The following MTSS2 variants were observed in gnomAD, a reference collection of about 807,000 sequenced individuals.
The protein encoded by MTSS2 is MTSS I-BAR domain containing 2.
Under a neutral mutation model 67.1 loss-of-function variants are expected in MTSS2, and 27 were observed. That is an observed-to-expected ratio of 0.40 (90% CI 0.30 to 0.55). MTSS2 has a LOEUF of 0.55. Among genes scored for constraint, MTSS2 ranks in the 20% least tolerant of loss-of-function variants. The pLI, the probability that MTSS2 is intolerant of heterozygous loss-of-function variation, is 0.43. For synonymous variants in MTSS2, 624 were observed against 468.6 expected (o/e 1.33, Z -4.28); for missense variants, 1,171 against 1,067.8 (o/e 1.10, Z -1.35).
rs776729070 is a variant in MTSS2 at position 70,674,403 on chromosome 16, C to T, written c.956G>A (p.Arg319His). The T allele has an allele frequency of 2.3e-5, 37 of 1,614,034 alleles. No individual in the cohort carries two copies. The highest frequency in any genetic ancestry group is 6.7e-5 in the East Asian group (3 of 44,884). The part of the protein sequence containing the change: ...SLAQPATTTA[R>H]LSSVSSHDSG... ...GTCATGGGAGGAAACGCTGGAGAGG[C>T]GAGCGGTGGTGGTGGCTGGCTGCGC... Residue 319 changes from arginine to histidine, a missense_variant, in exon 11 of 15, where the codon CGC (arginine) becomes CAC (histidine). Physicochemically the swap from Arg to His is conservative, Grantham distance 29 (BLOSUM62 0). Transcript: ENST00000338779.
intron 9 of MTSS2, among the ~76,000 whole-genome samples, chr16:70,677,265 C>T (rs936508777): frequency 6.6e-6 from 1 of 152,168 alleles, no homozygotes; most frequent in Non-Finnish European, 1.5e-5. Flanking sequence ...CCTGCGCCTC[C>T]CTGAGTTTGT....
At position 70,663,424 on chromosome 16, in the gene MTSS2, G is replaced by A. The variant is rs972545601; in HGVS notation, c.*253C>T. The A allele has an allele frequency of 5.3e-6, 3 of 569,762 alleles. No homozygotes were observed. The highest frequency in any genetic ancestry group is 2.7e-5 in the South Asian group (1 of 37,294). 35.3% of individuals were successfully genotyped at this position (569,762 alleles called of 1,614,324 possible). ...AGGCAGGGCCCCAGAGGAGGAAGAG[G>A]AGGGACCGAAGAGCATAAAACAGAC... On this transcript the variant is annotated 3_prime_UTR_variant, in exon 15 of 15. Coordinates refer to ENST00000338779, the MANE Select transcript of MTSS2 (RefSeq NM_138383.3).
At chr16:70,665,572 A>G (rs2052683080) in intron 11 of MTSS2, 32 bp from the exon 12 acceptor site, 1 of 1,534,166 alleles carries the variant, frequency 6.5e-7, no homozygotes, top group Admixed American at 2.0e-5. Flanking sequence ...GCGGTTGCAG[A>G]CAGAGGGGCC....
intron 1 of MTSS2, among the ~76,000 whole-genome samples, chr16:70,684,922 G>A (rs1471064522): frequency 6.6e-6 from 1 of 152,184 alleles, no homozygotes; most frequent in African/African-American, 2.4e-5. Flanking sequence ...TCTCCTTAGT[G>A]ACCTTGAGCC....
At chr16:70,679,932 GT>G in intron 4 of MTSS2, 38 bp downstream of exon 4, 6 of 708,982 alleles carry the variant, frequency 8.5e-6, no homozygotes, top group Non-Finnish European at 1.1e-5. Flanking sequence ...GCGACGCCCC[GT>G]CCCCCCGCCC....
At chr16:70,665,338 GA>G (rs2151909785) in intron 12 of MTSS2, 127 bp downstream of exon 12, 2 of 1,062,322 alleles carry the variant, frequency 1.9e-6, no homozygotes, top group East Asian at 5.2e-5. Flanking sequence ...GTCTCTTGGG[GA>G]CAGGTGCTGT....
rs371546984 is a variant in MTSS2 at position 70,669,642 on chromosome 16, C to T, written c.1054-4102G>A. On this transcript the variant is annotated intron_variant, in intron 11 of 14. Transcript: ENST00000338779. Reference sequence around the variant, plus strand: ...ACCAGCCTGGCCAACATGGTGAAACCCCGTCTCTACTAAAAATACAAAAAT... The same window carrying T: ...ACCAGCCTGGCCAACATGGTGAAACTCCGTCTCTACTAAAAATACAAAAAT... 4.0e-3 allele frequency among the ~76,000 whole-genome samples: 602 copies of T among 152,124 alleles called. 2 individuals are homozygous for T. Among genetic ancestry groups the T allele is most frequent in the African/African-American group, 0.014 (574 of 41,486 alleles).
intron 3 of MTSS2, 129 bp downstream of exon 3, chr16:70,680,665 A>G: frequency 1.3e-6 from 1 of 789,080 alleles, no homozygotes. Context: ...AGCCCACTCC[A>G]CTAAGGAGCA....
At position 70,663,581 on chromosome 16, in the gene MTSS2, T is replaced by C. The variant is rs2052572066; in HGVS notation, c.*96A>G. The C allele has an allele frequency of 9.0e-6, 13 of 1,447,254 alleles. No individual in the cohort carries two copies. In the South Asian group the frequency reaches 1.8e-4, roughly 20 times the overall value. 89.7% of individuals were successfully genotyped at this position (1,447,254 alleles called of 1,614,324 possible). ...CATGGCCTCTGCCCTGGCTCTGTCC[T>C]CTCTCCTGGCTGGGCCTTTGCTCTG... On this transcript the variant is annotated 3_prime_UTR_variant, in exon 15 of 15. Coordinates refer to ENST00000338779, the MANE Select transcript of MTSS2 (RefSeq NM_138383.3).
At chr16:70,681,091 G>C in intron 1 of MTSS2, 66 bp from the exon 2 acceptor site, 1 of 1,464,980 alleles carries the variant, frequency 6.8e-7, no homozygotes. Flanking sequence ...ACCTGGGCCG[G>C]GCTCCCTGCA....
In MTSS2 at chr16:70,671,483, A is replaced by G. The variant is rs183136464; in HGVS notation, c.1053+2823T>C. Reference sequence around the variant, plus strand: ...ATAAAAGAAATATTTATGAGTCCATATTGATATAAATTAAAAATTGAATAT... The same window carrying G: ...ATAAAAGAAATATTTATGAGTCCATGTTGATATAAATTAAAAATTGAATAT... On this transcript the variant is annotated intron_variant, in intron 11 of 14. Transcript: ENST00000338779. Among the ~76,000 whole-genome samples the G allele has an allele frequency of 7.1e-4, 108 of 152,290 alleles. No individual in the cohort carries two copies. The South Asian group carries it at 8.9e-3, about 13-fold the overall frequency.
At chr16:70,677,675 T>C (rs1051803264) in intron 9 of MTSS2, 117 bp downstream of exon 9, 16 of 759,450 alleles carry the variant, frequency 2.1e-5, no homozygotes, top group African/African-American at 2.1e-4. Flanking sequence ...TCTGGTCTTA[T>C]GCCCCTAGCT....
At chr16:70,675,496 A>G (rs933449244) in intron 10 of MTSS2, among the ~76,000 whole-genome samples, 1 of 152,218 alleles carries the variant, frequency 6.6e-6, no homozygotes, top group South Asian at 2.1e-4. Context: ...CTAGATTCCT[A>G]TATCCTAAAG....
Position 70,663,934 on chromosome 16 carries a change from C to T in MTSS2, c.1987G>A (p.Glu663Lys), listed in dbSNP as rs867137825. Residue 663 changes from glutamate to lysine, a missense_variant, in exon 15 of 15, where the codon GAG becomes AAG. By Grantham distance (56) the Glu-to-Lys change is moderately conservative. Coordinates refer to ENST00000338779, the MANE Select transcript of MTSS2 (RefSeq NM_138383.3). ...AGYPGAGAED[E>K]QQQLAANRHS... ...CGGTTGGCCGCCAGCTGCTGCTGCT[C>T]GTCCTCGGCCCCTGCCCCGGGGTAC... 7.7e-6 allele frequency: 12 copies of T among 1,554,224 alleles called. No individual in the cohort carries two copies. The highest frequency in any genetic ancestry group is 2.4e-5 in the East Asian group (1 of 41,830).
Position 70,679,657 on chromosome 16 carries a change from G to C in MTSS2, c.430C>G (p.Leu144Val). The change falls in exon 6 of 15, where the codon CTG becomes GTG. Residue 144 changes from leucine to valine, a missense_variant. By Grantham distance (32) the Leu-to-Val change is conservative (BLOSUM62 1). This residue lies in a region of MTSS2 where 247 missense variants were observed against 311.8 expected (regional missense o/e 0.79). Coordinates refer to ENST00000338779, the MANE Select transcript of MTSS2 (RefSeq NM_138383.3). ...TTGCGCGCCTTCTTCTGCAGCTTCA[G>C]CGTGTCCGACGACTTCTTTTTGATC... ...HEIKKKSSDT[L>V]KLQKKARKEL... The C allele has an allele frequency of 6.2e-7, 1 of 1,609,964 alleles. No homozygotes were observed. Among genetic ancestry groups the C allele is most frequent in the South Asian group, 1.1e-5 (1 of 90,252 alleles).
intron 1 of MTSS2, among the ~76,000 whole-genome samples, chr16:70,683,722 G>C (rs544613051): frequency 6.6e-6 from 1 of 152,196 alleles, no homozygotes; most frequent in African/African-American, 2.4e-5. Flanking sequence ...ACTCACTGTG[G>C]GGTGGCCTCA....
rs779234022 is a variant in MTSS2 at position 70,661,278 on chromosome 16, T to G, written c.*2399A>C. ...TGTTACTTGTAGCAGTGACTATATTTAAATCGGGGAGGATGGTGTGGAGGG... is the reference window on the plus strand; with the variant it reads ...TGTTACTTGTAGCAGTGACTATATTGAAATCGGGGAGGATGGTGTGGAGGG... On this transcript the variant is annotated 3_prime_UTR_variant, in exon 15 of 15. Transcript: ENST00000338779. The G allele has an allele frequency of 1.1e-5, 5 of 454,036 alleles. No individual in the cohort carries two copies. The highest frequency in any genetic ancestry group is 6.2e-5 in the South Asian group (4 of 64,434). The allele number at this position is 454,036 out of a possible 1,614,324, so 28.1% of individuals were successfully genotyped here.
At chr16:70,674,078 T>C (rs191002457) in intron 11 of MTSS2, among the ~76,000 whole-genome samples, 1 of 152,226 alleles carries the variant, frequency 6.6e-6, no homozygotes, top group Non-Finnish European at 1.5e-5. Flanking sequence ...CTAGGCATTA[T>C]GCTGCTTACA....
rs577295902 is a variant in MTSS2 at position 70,664,644 on chromosome 16, C to T, written c.1425G>A (p.Thr475=). The change falls in exon 14 of 15, where the codon ACG becomes ACA. Residue 475 remains threonine, a synonymous_variant. Transcript: ENST00000338779. ...CAGAGCAGGAGGGCGTGGTGGTCTG[C>T]GTGCTGTAGCCGCTGGAGTACTGCA... is the stretch of plus-strand genomic sequence containing the variant. ...DSLQYSSGYS[T]QTTTPSCSED... is the part of the protein sequence containing the mutation. 23 of 1,613,296 alleles carry T rather than the reference C, an allele frequency of 1.4e-5. No homozygotes were observed. Among genetic ancestry groups the T allele is most frequent in the Admixed American group, 1.0e-4 (6 of 60,018 alleles).
Sources: gnomAD v4.1 joint callset for allele counts (sites outside exome capture counted in the v4.1 genomes callset) on GRCh38, gnomAD v4.1.1 for gene constraint, gnomAD v4.1.1 regional missense constraint, MANE v1.5 for transcripts, NCBI Gene and HGNC (gene_info 2026-07-23, HGNC 2026-07-21) for gene names.